Variants in SVEP1 observed in about 807,000 individuals in gnomAD.
SVEP1 encodes sushi, von Willebrand factor type A, EGF and pentraxin domain containing 1.
SVEP1 carries 164 observed loss-of-function variants against 367.3 expected under a neutral mutation model. The ratio of observed to expected loss-of-function variants is 0.45; its 90% CI spans 0.39 to 0.51. The LOEUF is 0.51. Among genes scored for constraint, SVEP1 ranks in the 20% least tolerant of loss-of-function variants. The pLI is 0.00. For synonymous variants in SVEP1, 1,666 were observed against 1,611.6 expected, an observed-to-expected ratio of 1.03 and a Z score of -0.81; for missense variants, 4,117 against 4,425.3, an observed-to-expected ratio of 0.93 and a Z score of 1.98.
intron 47 of SVEP1, among the ~76,000 whole-genome samples, chr9:110,367,798 T>C (rs529741475): frequency 6.6e-6 from 1 of 152,270 alleles, no homozygotes; most frequent in South Asian, 2.1e-4. Flanking sequence ...AATTTTGTCC[T>C]GGCCAGGCAC....
At chr9:110,553,754 T>G (rs768601283) in intron 1 of SVEP1, among the ~76,000 whole-genome samples, 5 of 152,146 alleles carry the variant, frequency 3.3e-5, no homozygotes, top group Admixed American at 2.0e-4. Flanking sequence ...ACCCAGAGAC[T>G]AGAACAGTGC....
chr9:110,500,415 G>A (rs1020631848), intron 6 of SVEP1, among the ~76,000 whole-genome samples: 8 of 152,074 alleles, frequency 5.3e-5, no homozygotes, highest in Non-Finnish European at 8.8e-5. Flanking sequence ...TTTATTGTTT[G>A]TTTATGGTAC....
At chr9:110,396,984 C>T (rs1827772944) in intron 40 of SVEP1, among the ~76,000 whole-genome samples, 1 of 152,266 alleles carries the variant, frequency 6.6e-6, no homozygotes, top group Non-Finnish European at 1.5e-5. Context: ...TCCTCCCTAA[C>T]TCATTTTATG....
At chr9:110,520,801 T>C (rs970540301) in intron 3 of SVEP1, among the ~76,000 whole-genome samples, 1 of 152,208 alleles carries the variant, frequency 6.6e-6, no homozygotes, top group Non-Finnish European at 1.5e-5. Context: ...GGAGCCTTTA[T>C]TTCCTTGCAC....
rs1294248881 is a variant in SVEP1, at chr9:110,446,881, ACAC to A, written c.4261+16_4261+18del. ...ACTATTGTTAGTATTGTTATTAATAACACTGAGTTGATACATACCTGTTTCACA... is the reference window on the plus strand; with the variant it reads ...ACTATTGTTAGTATTGTTATTAATAATGAGTTGATACATACCTGTTTCACA... On this transcript the variant is annotated intron_variant, in intron 25 of 47. Coordinates refer to ENST00000374469, the MANE Select transcript of SVEP1 (RefSeq NM_153366.4). 1 of 1,490,334 alleles carries A rather than the reference ACAC, an allele frequency of 6.7e-7. No homozygotes were observed. Among genetic ancestry groups the A allele is most frequent in the Non-Finnish European group, 8.9e-7 (1 of 1,119,668 alleles). The allele number at this position is 1,490,334 out of a possible 1,614,324, so 92.3% of individuals were successfully genotyped here.
At position 110,407,680 on chromosome 9, in the gene SVEP1, C is replaced by T; in HGVS notation, c.7920G>A (p.Met2640Ile). ...GAGGAGTCACATATGGAACTTCCAT[C>T]ATGTCGTCTTCTTGCTCAAAATATC... The part of the protein sequence containing the change: ...DQGYFEQEDD[M>I]MEVPYVTPHP... The change falls in exon 38 of 48, where the codon ATG becomes ATA. Residue 2640 changes from methionine to isoleucine, a missense_variant. Coordinates refer to ENST00000374469, the MANE Select transcript of SVEP1 (RefSeq NM_153366.4). 6.2e-7 allele frequency: 1 copy of T among 1,614,030 alleles called. No individual in the cohort carries two copies. The highest frequency in any genetic ancestry group is 8.5e-7 in the Non-Finnish European group (1 of 1,179,880).
chr9:110,552,024 C>T (rs997265349), intron 1 of SVEP1, among the ~76,000 whole-genome samples: 16 of 77,010 alleles, frequency 2.1e-4, no homozygotes, highest in Non-Finnish European at 2.9e-4. Flanking sequence ...GGTACCCAAC[C>T]TTTTTTTTTT....
intron 5 of SVEP1, among the ~76,000 whole-genome samples, chr9:110,504,820 C>G (rs927082825): frequency 1.3e-5 from 2 of 152,144 alleles, no homozygotes; most frequent in African/African-American, 2.4e-5. Flanking sequence ...TCCATTAACT[C>G]TTCCTTTGTT....
In SVEP1 at chr9:110,579,114, G is replaced by A; in HGVS notation, c.430C>T (p.Arg144Cys). The change falls in exon 1 of 48, where the codon CGC becomes TGC. Residue 144 changes from arginine to cysteine, a missense_variant. Transcript: ENST00000374469. The surrounding 1 kb of genome is among the most constrained non-coding windows in gnomAD (Gnocchi z 5.3). The part of the protein sequence containing the change: ...VPRVDYISTR[R>C]ARQHKCALLL... Reference sequence around the variant, plus strand: ...AGCGCGCACTTGTGCTGGCGCGCGCGGCGGGTGGAGATGTAATCGACGCGC... The same window carrying A: ...AGCGCGCACTTGTGCTGGCGCGCGCAGCGGGTGGAGATGTAATCGACGCGC... The A allele has an allele frequency of 1.3e-6, 2 of 1,553,328 alleles. No homozygotes were observed. The highest frequency in any genetic ancestry group is 1.7e-6 in the Non-Finnish European group (2 of 1,148,842).
chr9:110,407,038 C>G lies in SVEP1; in HGVS notation c.8562G>C (p.Glu2854Asp), dbSNP rs777083896. ...VRGDEYTFQK[E>D]IEYTCNEGFL... ...ACCCTTCATTGCAAGTGTATTCAAT[C>G]TCTTTTTGGAATGTGTACTCGTCTC... is the stretch of plus-strand genomic sequence containing the variant. Residue 2854 changes from glutamate (E) to aspartate (D), a missense_variant, in exon 38 of 48, where the codon GAG (glutamate) becomes GAC (aspartate). By Grantham distance (45) the Glu-to-Asp change is conservative. Coordinates refer to ENST00000374469, the MANE Select transcript of SVEP1 (RefSeq NM_153366.4). The G allele has an allele frequency of 1.2e-6, 2 of 1,613,978 alleles. No individual in the cohort carries two copies. Among genetic ancestry groups the G allele is most frequent in the East Asian group, 2.2e-5 (1 of 44,880 alleles).
At position 110,529,588 on chromosome 9, in the gene SVEP1, C is replaced by T. The variant is rs7853101; in HGVS notation, c.965-15482G>A. Among the ~76,000 whole-genome samples, 6 of 151,870 alleles carry T rather than the reference C, an allele frequency of 4.0e-5. No individual in the cohort carries two copies. The South Asian group carries it at 1.2e-3, about 31-fold the overall frequency. ...TAGAGATGGTTCACCTCCTTGGTTA[C>T]GTATATTCCTAGGAAGTTTGTTTTT... On this transcript the variant is annotated intron_variant, in intron 3 of 47. Transcript: ENST00000374469.
chr9:110,400,565 C>T (rs993168868), intron 40 of SVEP1, among the ~76,000 whole-genome samples: 2 of 152,134 alleles, frequency 1.3e-5, no homozygotes, highest in Non-Finnish European at 2.9e-5. Flanking sequence ...CGGGGTTTCA[C>T]CATGTTGGCC....
rs199960015 is a variant in SVEP1 at position 110,400,922 on chromosome 9, C to T, written c.9754G>A (p.Val3252Met). The change falls in exon 40 of 48, where the codon GTG (valine) becomes ATG (methionine). Residue 3252 changes from valine to methionine, a missense_variant. Physicochemically the swap from Val to Met is conservative, Grantham distance 21. Transcript: ENST00000374469. ...GKPESPEHGFVVGSKYTFEST... is the reference protein window; with the variant it reads ...GKPESPEHGFMVGSKYTFEST... ...TCAAAGGTGTATTTACTGCCAACCACAAATCCATGTTCTGGACTTTCAGGT... is the reference window on the plus strand; with the variant it reads ...TCAAAGGTGTATTTACTGCCAACCATAAATCCATGTTCTGGACTTTCAGGT... 182 of 1,613,940 alleles carry T rather than the reference C, an allele frequency of 1.1e-4. No homozygotes were observed. The African/African-American group carries it at 2.2e-3, about 19-fold the overall frequency.
chr9:110,579,058 G>A lies in SVEP1; in HGVS notation c.486C>T (p.Tyr162=), dbSNP rs1020524906. Reference sequence around the variant, plus strand: ...CCTTGGTGTAGGTGCCGCCACCTCGGTAGGAGATGGCAGGGATCTCTTGGA... The same window carrying A: ...CCTTGGTGTAGGTGCCGCCACCTCGATAGGAGATGGCAGGGATCTCTTGGA... The part of the protein sequence containing the change: ...LLLQEIPAIS[Y]RGGGTYTKGA... Residue 162 remains tyrosine (Y), a synonymous_variant, in exon 1 of 48, where the codon TAC becomes TAT. Transcript: ENST00000374469. This position sits in a 1 kb window ranked among gnomAD's most constrained non-coding sequence, Gnocchi z 5.3. 1 of 1,550,270 alleles carries A rather than the reference G, an allele frequency of 6.5e-7. No homozygotes were observed. Among genetic ancestry groups the A allele is most frequent in the Admixed American group, 2.0e-5 (1 of 51,022 alleles).
At chr9:110,503,666 C>A (rs368437171) in intron 5 of SVEP1, among the ~76,000 whole-genome samples, 1 of 152,178 alleles carries the variant, frequency 6.6e-6, no homozygotes, top group Admixed American at 6.5e-5. Flanking sequence ...ATATCCTAGG[C>A]CTTCTAATAG....
chr9:110,396,587 T>C (rs951904580), intron 40 of SVEP1, among the ~76,000 whole-genome samples: 17 of 123,684 alleles, frequency 1.4e-4, no homozygotes, highest in African/African-American at 5.3e-4. Context: ...ATCAACAAAA[T>C]TGATAGACCG....
intron 3 of SVEP1, among the ~76,000 whole-genome samples, chr9:110,528,074 G>GTATATA (rs35705480): frequency 1.5e-4 from 21 of 136,014 alleles, no homozygotes; most frequent in African/African-American, 5.5e-4. Flanking sequence ...CATGGTGTAT[G>GTATATA]TATATATATA....
chr9:110,505,819 CTT>C (rs565499379), intron 5 of SVEP1, among the ~76,000 whole-genome samples: 3 of 147,138 alleles, frequency 2.0e-5, no homozygotes, highest in South Asian at 2.2e-4. Context: ...TCTTTTCTCT[CTT>C]TTTTTTTTTA....
intron 14 of SVEP1, among the ~76,000 whole-genome samples, chr9:110,475,621 G>A (rs1213953828): frequency 2.7e-5 from 4 of 150,490 alleles, no homozygotes; most frequent in Admixed American, 6.7e-5. Flanking sequence ...CTGCAGCCTC[G>A]AACTCCTGGG....
Sources: gnomAD v4.1 joint callset for allele counts (sites outside exome capture counted in the v4.1 genomes callset) on GRCh38, gnomAD v4.1.1 for gene constraint, Gnocchi (gnomAD v3.1) non-coding constraint, MANE v1.5 for transcripts, NCBI Gene and HGNC (gene_info 2026-07-23, HGNC 2026-07-21) for gene names.